The following CREBBP variants were observed in gnomAD, a reference collection of about 807,000 sequenced individuals.
The protein encoded by CREBBP is CREB binding lysine acetyltransferase, also known as CREB-binding protein.
CREBBP carries 19 observed loss-of-function variants against 265.0 expected under a neutral mutation model. That is an observed-to-expected ratio of 0.07 (90% CI 0.05 to 0.11). The LOEUF (loss-of-function observed/expected upper bound fraction) is 0.11. Among genes scored for constraint, CREBBP ranks in the 10% least tolerant of loss-of-function variants. The pLI is 1.00. For missense variants in CREBBP, 2,525 were observed against 3,219.0 expected (o/e 0.78, Z 5.22); for synonymous variants, 1,457 against 1,223.7 (o/e 1.19, Z -3.98).
intron 3 of CREBBP, among the ~76,000 whole-genome samples, chr16:3,798,362 C>T (rs756579502): frequency 5.3e-5 from 8 of 152,108 alleles, no homozygotes; most frequent in Non-Finnish European, 1.2e-4. Flanking sequence ...CAAAGGATAC[C>T]ATTACAAAAT....
chr16:3,752,597 G>C (rs1279074604), intron 19 of CREBBP, among the ~76,000 whole-genome samples: 2 of 151,968 alleles, frequency 1.3e-5, no homozygotes, highest in African/African-American at 4.8e-5. Context: ...AATATACAGA[G>C]TAAGAAATGT....
chr16:3,836,689 G>C (rs902551171), intron 2 of CREBBP, among the ~76,000 whole-genome samples: 1 of 152,086 alleles, frequency 6.6e-6, no homozygotes, highest in African/African-American at 2.4e-5. Flanking sequence ...AATATAGGTA[G>C]GTCTTTAACT....
At position 3,731,899 on chromosome 16, in the gene CREBBP, G is replaced by A. The variant is rs1454603838; in HGVS notation, c.4767C>T (p.Asn1589=). The A allele has an allele frequency of 2.5e-6, 4 of 1,614,108 alleles. No individual in the cohort carries two copies. The African/African-American group carries it at 4.0e-5, about 16-fold the overall frequency. Residue 1589 remains asparagine (N), a synonymous_variant, in exon 29 of 31, where the codon AAC becomes AAT. Coordinates refer to ENST00000262367, the MANE Select transcript of CREBBP (RefSeq NM_004380.3). This position sits in a 1 kb window ranked among gnomAD's most constrained non-coding sequence, Gnocchi z 7.7. ...QGDSKNAKKK[N]NKKTNKNKSS... is the part of the protein sequence containing the mutation. ...TTTTGTTCTTGTTGGTTTTCTTGTT[G>A]TTCTTCTTCTTGGCATTCTTGCTGT... is the stretch of plus-strand genomic sequence containing the variant.
At chr16:3,867,124 A>G (rs2055192993) in intron 1 of CREBBP, among the ~76,000 whole-genome samples, 1 of 152,180 alleles carries the variant, frequency 6.6e-6, no homozygotes, top group African/African-American at 2.4e-5. Context: ...TTCTATTTCA[A>G]CTATTAAGGT....
At chr16:3,743,657 T>C (rs1010822217) in intron 23 of CREBBP, 16 of 152,252 alleles carry the variant, frequency 1.1e-4, no homozygotes, top group African/African-American at 3.6e-4. Flanking sequence ...TTGTGTGGGT[T>C]TGCTGGTTAA....
At chr16:3,866,061 G>T (rs2055173598) in intron 1 of CREBBP, among the ~76,000 whole-genome samples, 1 of 152,204 alleles carries the variant, frequency 6.6e-6, no homozygotes, top group African/African-American at 2.4e-5. Context: ...GGGTCCTTAT[G>T]ATTTGAGGAT....
chr16:3,822,686 G>A (rs2054163657), intron 2 of CREBBP, among the ~76,000 whole-genome samples: 1 of 152,194 alleles, frequency 6.6e-6, no homozygotes, highest in African/African-American at 2.4e-5. Flanking sequence ...AAATCTAAAA[G>A]TGTAAAGCAC....
chr16:3,852,138 T>C (rs1332518172), intron 1 of CREBBP, among the ~76,000 whole-genome samples: 7 of 132,650 alleles, frequency 5.3e-5, no homozygotes, highest in Non-Finnish European at 7.9e-5. Flanking sequence ...TTGAGGACAG[T>C]AAAGCCAATC....
chr16:3,869,803 C>T (rs562699130), intron 1 of CREBBP, among the ~76,000 whole-genome samples: 16 of 152,298 alleles, frequency 1.1e-4, no homozygotes, highest in Admixed American at 8.5e-4. Flanking sequence ...TCTCAATTCA[C>T]CCTCTTCCTC....
intron 2 of CREBBP, among the ~76,000 whole-genome samples, chr16:3,813,690 C>T (rs952343458): frequency 6.6e-6 from 1 of 152,184 alleles, no homozygotes; most frequent in Non-Finnish European, 1.5e-5. Context: ...AATTCATCCT[C>T]GAAGTCAACT....
intron 1 of CREBBP, among the ~76,000 whole-genome samples, chr16:3,877,501 C>G (rs910528080): frequency 2.0e-5 from 3 of 152,196 alleles, no homozygotes; most frequent in African/African-American, 7.2e-5. Flanking sequence ...CTCCCGAGTT[C>G]AAGCAATTGT....
intron 28 of CREBBP, among the ~76,000 whole-genome samples, chr16:3,733,054 G>A (rs927166458): frequency 1.3e-5 from 2 of 151,986 alleles, no homozygotes; most frequent in Admixed American, 6.5e-5. Context: ...AAAGAGAGGG[G>A]TCAGTCCAGA....
In CREBBP at chr16:3,767,871, T is replaced by C. The variant is rs753827274; in HGVS notation, c.3099A>G (p.Lys1033=). 4.3e-6 allele frequency: 7 copies of C among 1,614,194 alleles called. No individual in the cohort carries two copies. In the East Asian group the frequency reaches 1.6e-4, roughly 36 times the overall value. Residue 1033 remains lysine, a synonymous_variant, in exon 16 of 31, where the codon AAA becomes AAG. Coordinates refer to ENST00000262367, the MANE Select transcript of CREBBP (RefSeq NM_004380.3). ...TCTGCTCTGCTATGTCTGTTTCTTC[T>C]TTAACTTGGGAAGCTCCTTGCAAAT... ...EEDLQGASQV[K]EETDIAEQKS... is the part of the protein sequence containing the mutation.
chr16:3,765,673 G>A (rs936739347), intron 16 of CREBBP, among the ~76,000 whole-genome samples: 1 of 151,918 alleles, frequency 6.6e-6, no homozygotes, highest in Non-Finnish European at 1.5e-5. Context: ...TTTGAGACAG[G>A]GCCTCACTCT....
At chr16:3,760,840 G>C (rs2052700125) in intron 16 of CREBBP, among the ~76,000 whole-genome samples, 1 of 151,650 alleles carries the variant, frequency 6.6e-6, no homozygotes, top group Non-Finnish European at 1.5e-5. Flanking sequence ...ATATCACTAT[G>C]TTGCCCAGGC....
chr16:3,838,067 C>T (rs1175839439), intron 2 of CREBBP, among the ~76,000 whole-genome samples: 3 of 152,206 alleles, frequency 2.0e-5, no homozygotes, highest in Non-Finnish European at 2.9e-5. Context: ...CTCACAGGCT[C>T]AAGTGATCCT....
Position 3,780,728 on chromosome 16 carries a change from G to T in CREBBP, c.1823+4C>A, listed in dbSNP as rs759630499. 1 of 1,613,738 alleles carries T rather than the reference G, an allele frequency of 6.2e-7. No homozygotes were observed. The highest frequency in any genetic ancestry group is 8.5e-7 in the Non-Finnish European group (1 of 1,179,872). On this transcript the variant is annotated splice_donor_region_variant and intron_variant, in intron 8 of 30. Transcript: ENST00000262367. ...ATCTATGAAACTGCAAAACTGTTAC[G>T]TACAGTTTATGCACTAGATGGCTCC...
At chr16:3,829,775 T>C (rs182606289) in intron 2 of CREBBP, among the ~76,000 whole-genome samples, 1 of 152,268 alleles carries the variant, frequency 6.6e-6, no homozygotes, top group East Asian at 1.9e-4. Flanking sequence ...CTACACAGTC[T>C]AAAAGTACTG....
chr16:3,762,913 TAC>T (rs1191226122), intron 16 of CREBBP, among the ~76,000 whole-genome samples: 3 of 152,068 alleles, frequency 2.0e-5, no homozygotes, highest in Admixed American at 6.6e-5. Context: ...TCGCTGGGAC[TAC>T]AGGCGCCTGT....
Sources: gnomAD v4.1 joint callset for allele counts (sites outside exome capture counted in the v4.1 genomes callset) on GRCh38, gnomAD v4.1.1 for gene constraint, Gnocchi (gnomAD v3.1) non-coding constraint, MANE v1.5 for transcripts, NCBI Gene and HGNC (gene_info 2026-07-23, HGNC 2026-07-21) for gene names.